Variants in NUB1 observed in about 807,000 individuals in gnomAD.
NUB1 encodes negative regulator of ubiquitin like proteins 1.
NUB1 carries 41 observed loss-of-function variants against 77.1 expected under a neutral mutation model. That is an observed-to-expected ratio of 0.53 (90% CI 0.41 to 0.69). The LOEUF (loss-of-function observed/expected upper bound fraction) is 0.69, where lower values mean the gene tolerates loss of function less well. NUB1 is among the 30% of genes least tolerant of loss of function. The pLI, the probability that NUB1 is intolerant of heterozygous loss-of-function variation, is 0.00. For missense variants in NUB1, 643 were observed against 743.8 expected, an observed-to-expected ratio of 0.86 and a Z score of 1.58; for synonymous variants, 257 against 281.0, an observed-to-expected ratio of 0.91 and a Z score of 0.85.
In NUB1 at chr7:151,365,024, A is replaced by G. The variant is rs538677937; in HGVS notation, c.801-1915A>G. ...TTTTTTCTTTAGAGACAGAGTCTCT[A>G]TGTTGTTCAGGCTGGTCTCAAACTC... On this transcript the variant is annotated intron_variant, in intron 8 of 14. Coordinates refer to ENST00000568733, the MANE Select transcript of NUB1 (RefSeq NM_001243351.2). Among the ~76,000 whole-genome samples, 96 of 149,418 alleles carry G rather than the reference A, an allele frequency of 6.4e-4. 1 individual carries two copies. Among genetic ancestry groups the G allele is most frequent in the African/African-American group, 2.0e-3 (81 of 40,590 alleles).
At chr7:151,370,789 C>T (rs912468486) in intron 11 of NUB1, among the ~76,000 whole-genome samples, 7 of 148,248 alleles carry the variant, frequency 4.7e-5, no homozygotes, top group South Asian at 2.1e-4. Flanking sequence ...TGAGAATATG[C>T]GGTGTTTGGT....
At chr7:151,349,930 A>G (rs1006342140) in intron 3 of NUB1, among the ~76,000 whole-genome samples, 1 of 152,196 alleles carries the variant, frequency 6.6e-6, no homozygotes, top group Non-Finnish European at 1.5e-5. Context: ...GTGGCCCCGA[A>G]TGCCTGGCTG....
At chr7:151,359,098 A>C (rs1458671510) in intron 7 of NUB1, among the ~76,000 whole-genome samples, 2 of 150,238 alleles carry the variant, frequency 1.3e-5, no homozygotes, top group South Asian at 2.1e-4. Flanking sequence ...TTTGTTTTGG[A>C]AATACTAAAG....
At chr7:151,344,322 T>C (rs2150656798) in intron 1 of NUB1, among the ~76,000 whole-genome samples, 1 of 151,494 alleles carries the variant, frequency 6.6e-6, no homozygotes, top group South Asian at 2.1e-4. Flanking sequence ...ATATTTATTA[T>C]TATTTTGAGA....
Position 151,351,440 on chromosome 7 carries a change from T to C in NUB1, c.302T>C (p.Leu101Ser). The C allele has an allele frequency of 6.2e-7, 1 of 1,612,792 alleles. No individual in the cohort carries two copies. The highest frequency in any genetic ancestry group is 8.5e-7 in the Non-Finnish European group (1 of 1,179,094). ...TTTTAACAGGATAGGAAAAACTTGT[T>C]GGAGACCCGATTGCACATCACTGGC... ...PRLKKDRKNLLETRLHITGRE... is the reference protein window; with the variant it reads ...PRLKKDRKNLSETRLHITGRE... Residue 101 changes from leucine to serine, a missense_variant, in exon 4 of 15, where the codon TTG becomes TCG. Coordinates refer to ENST00000568733, the MANE Select transcript of NUB1 (RefSeq NM_001243351.2).
At chr7:151,359,633 C>T (rs567061290) in intron 7 of NUB1, among the ~76,000 whole-genome samples, 50 of 152,060 alleles carry the variant, frequency 3.3e-4, no homozygotes, top group African/African-American at 9.2e-4. Context: ...CGAAATTAGC[C>T]GGGCATGGTG....
intron 6 of NUB1, 36 bp from the exon 7 acceptor site, chr7:151,356,092 A>G (rs1797051147): frequency 6.3e-7 from 1 of 1,581,286 alleles, no homozygotes; most frequent in African/African-American, 1.3e-5. Context: ...ACTGTTTAAC[A>G]TTGAGTTCAT....
intron 12 of NUB1, among the ~76,000 whole-genome samples, chr7:151,374,894 G>C (rs1262183972): frequency 1.3e-5 from 2 of 152,180 alleles, no homozygotes; most frequent in African/African-American, 4.8e-5. Flanking sequence ...GAGGGGTCCC[G>C]AGGGGGTGCA....
In NUB1 at chr7:151,374,196, C is replaced by A; in HGVS notation, c.1348C>A (p.Gln450Lys). 1 of 1,571,654 alleles carries A rather than the reference C, an allele frequency of 6.4e-7. No homozygotes were observed. The highest frequency in any genetic ancestry group is 2.4e-5 in the East Asian group (1 of 42,144). Residue 450 changes from glutamine (Q) to lysine (K), a missense_variant, in exon 12 of 15, where the codon CAG becomes AAG. Physicochemically the swap from Gln to Lys is moderately conservative, Grantham distance 53 (BLOSUM62 1). Coordinates refer to ENST00000568733, the MANE Select transcript of NUB1 (RefSeq NM_001243351.2). The stretch of plus-strand genomic sequence containing the variant: ...GATGGGCTACTCCACGCACGCGGCC[C>A]AGCAGGTACTCCACGCAGCCAGCGG... ...KGMGYSTHAAQQVLHAASGNL... is the reference protein window; with the variant it reads ...KGMGYSTHAAKQVLHAASGNL...
rs1584938408 is a variant in NUB1 at position 151,349,692 on chromosome 7, T to A, written c.285+452T>A. The stretch of plus-strand genomic sequence containing the variant: ...CTCTCATTGCCATGGCCAGGTAGTT[T>A]GCATCTAGAAATGTCACTGTGGCAA... On this transcript the variant is annotated intron_variant, in intron 3 of 14. Coordinates refer to ENST00000568733, the MANE Select transcript of NUB1 (RefSeq NM_001243351.2). 2.0e-5 allele frequency among the ~76,000 whole-genome samples: 3 copies of A among 152,196 alleles called. No homozygotes were observed. The East Asian group carries it at 5.8e-4, about 29-fold the overall frequency.
Position 151,365,649 on chromosome 7 carries a change from G to A in NUB1, c.801-1290G>A, listed in dbSNP as rs531999891. Among the ~76,000 whole-genome samples the A allele has an allele frequency of 3.3e-5, 5 of 152,296 alleles. No homozygotes were observed. The South Asian group carries it at 6.2e-4, about 19-fold the overall frequency. ...CAAAGGCAGGTTCTCAGGCTGAGCC[G>A]TAGATTTGGAGAAAGCACCCCTCAC... On this transcript the variant is annotated intron_variant, in intron 8 of 14. Coordinates refer to ENST00000568733, the MANE Select transcript of NUB1 (RefSeq NM_001243351.2).
In NUB1 at chr7:151,378,308, G is replaced by T. The variant is rs1007527604; in HGVS notation, c.*1083G>T. On this transcript the variant is annotated 3_prime_UTR_variant, in exon 15 of 15. Coordinates refer to ENST00000568733, the MANE Select transcript of NUB1 (RefSeq NM_001243351.2). Reference sequence around the variant, plus strand: ...TCCAGAAGGCACTGACTGAAGACAGGATGGATCATGCGGAGCCGGCTGAAA... The same window carrying T: ...TCCAGAAGGCACTGACTGAAGACAGTATGGATCATGCGGAGCCGGCTGAAA... 10 of 152,386 alleles carry T rather than the reference G, an allele frequency of 6.6e-5. No individual in the cohort carries two copies. The highest frequency in any genetic ancestry group is 3.9e-4 in the Admixed American group (6 of 15,306). The allele number at this position is 152,386 out of a possible 1,614,324, so 9.4% of individuals were successfully genotyped here.
intron 11 of NUB1, among the ~76,000 whole-genome samples, chr7:151,373,885 C>A (rs1184169881): frequency 1.3e-5 from 2 of 152,236 alleles, no homozygotes; most frequent in Non-Finnish European, 2.9e-5. Context: ...ACTTCCACTG[C>A]CTGCCTCAGA....
rs921898843 is a variant in NUB1, at chr7:151,376,498, G to A, written c.1492-136G>A. The A allele has an allele frequency of 3.6e-6, 3 of 831,302 alleles. No homozygotes were observed. The South Asian group carries it at 5.9e-5, about 16-fold the overall frequency. 51.5% of individuals were successfully genotyped at this position (831,302 alleles called of 1,614,324 possible). A position where few individuals can be genotyped will look rare whatever the true frequency, so the allele number is the denominator to read the frequency against. ...CTACGCTCACATTGCACAGAAGCAT[G>A]ACTTGTGCACAAAGGGCCATGGTGC... On this transcript the variant is annotated intron_variant, in intron 13 of 14. Coordinates refer to ENST00000568733, the MANE Select transcript of NUB1 (RefSeq NM_001243351.2).
At position 151,360,212 on chromosome 7, in the gene NUB1, C is replaced by T. The variant is rs1584953371; in HGVS notation, c.765C>T (p.Ala255=). The stretch of plus-strand genomic sequence containing the variant: ...TGAAAAGAAAAGAATATGGAATAGC[C>T]TTGCCATGTCTGTTGGACGCTGACA... ...AFLKRKEYGI[A]LPCLLDADKY... The change falls in exon 8 of 15, where the codon GCC becomes GCT. Residue 255 remains alanine, a synonymous_variant. Coordinates refer to ENST00000568733, the MANE Select transcript of NUB1 (RefSeq NM_001243351.2). The T allele has an allele frequency of 2.5e-6, 4 of 1,609,146 alleles. No homozygotes were observed. The highest frequency in any genetic ancestry group is 3.4e-6 in the Non-Finnish European group (4 of 1,175,574).
At chr7:151,366,642 C>T (rs1019239608) in intron 8 of NUB1, among the ~76,000 whole-genome samples, 1 of 152,208 alleles carries the variant, frequency 6.6e-6, no homozygotes, top group Non-Finnish European at 1.5e-5. Context: ...GCCTCTGAAA[C>T]AGTGGCCCTG....
intron 11 of NUB1, among the ~76,000 whole-genome samples, chr7:151,372,104 G>C (rs558050066): frequency 1.3e-5 from 2 of 152,176 alleles, no homozygotes; most frequent in Admixed American, 6.5e-5. Flanking sequence ...CTGTAGAAAC[G>C]GAGCTCACAG....
At chr7:151,353,147 A>C (rs75250543) in intron 5 of NUB1, among the ~76,000 whole-genome samples, 5,961 of 152,306 alleles carry the variant, frequency 0.039, 167 homozygotes, top group South Asian at 0.12. Flanking sequence ...AGGTGTGCTG[A>C]GTGTAAGATG....
rs963176405 is a variant in NUB1 at position 151,376,902 on chromosome 7, T to G, written c.1669+91T>G. ...CCTAAGCCACGGCAGATGTGGAGAC[T>G]GAGGGGGCGTCCCCTGACGTCACCG... On this transcript the variant is annotated intron_variant, in intron 14 of 14. Coordinates refer to ENST00000568733, the MANE Select transcript of NUB1 (RefSeq NM_001243351.2). 2.8e-5 allele frequency: 41 copies of G among 1,457,310 alleles called. No homozygotes were observed. In the African/African-American group the frequency reaches 5.1e-4, roughly 18 times the overall value. The allele number at this position is 1,457,310 out of a possible 1,614,324, so 90.3% of individuals were successfully genotyped here.
Sources: allele counts gnomAD v4.1 joint callset (sites outside exome capture counted in the v4.1 genomes callset), GRCh38; gene constraint gnomAD v4.1.1; transcripts MANE v1.5; gene names NCBI Gene and HGNC (gene_info 2026-07-23, HGNC 2026-07-21).